Variants in GP5 observed in about 807,000 individuals in gnomAD.
GP5 encodes platelet glycoprotein V.
For synonymous variants in GP5, 382 were observed against 353.9 expected (o/e 1.08, Z -0.89); for missense variants, 755 against 737.1 (o/e 1.02, Z -0.28).
At position 194,396,912 on chromosome 3, in the gene GP5, G is replaced by A; in HGVS notation, c.1371C>T (p.His457=). The A allele has an allele frequency of 6.6e-7, 1 of 1,504,126 alleles. No homozygotes were observed. Among genetic ancestry groups the A allele is most frequent in the South Asian group, 1.3e-5 (1 of 77,918 alleles). The allele number at this position is 1,504,126 out of a possible 1,614,324, so 93.2% of individuals were successfully genotyped here. A position where few individuals can be genotyped will look rare whatever the true frequency, so the allele number is the denominator to read the frequency against. The change falls in exon 2 of 2, where the codon CAC becomes CAT. Residue 457 remains histidine, a synonymous_variant. Coordinates refer to ENST00000692618, the MANE Select transcript of GP5 (RefSeq NM_004488.2). ...EPPRCAGPGA[H]AGLPLWALPG... ...GCAGGGCCCAGAGCGGCAGGCCGGC[G>A]TGCGCCCCAGGGCCTGCGCACCGTG...
In GP5 at chr3:194,396,749, T is replaced by C; in HGVS notation, c.1534A>G (p.Thr512Ala). The C allele has an allele frequency of 1.9e-6, 3 of 1,613,988 alleles. No homozygotes were observed. The highest frequency in any genetic ancestry group is 2.5e-6 in the Non-Finnish European group (3 of 1,179,912). Residue 512 changes from threonine to alanine, a missense_variant, in exon 2 of 2, where the codon ACG becomes GCG. Coordinates refer to ENST00000692618, the MANE Select transcript of GP5 (RefSeq NM_004488.2). The stretch of plus-strand genomic sequence containing the variant: ...GGACTATGATCTTGACCTTTGCCCG[T>C]GGTCACCGGCTGGGCCCACACCCAG... ...EPWVWAQPVT[T>A]GKGQDHSPFW...
rs1714422246 is a variant in GP5 at position 194,395,172 on chromosome 3, G to C, written c.*1428C>G. 6.6e-6 allele frequency: 1 copy of C among 152,216 alleles called. No homozygotes were observed. Among genetic ancestry groups the C allele is most frequent in the Non-Finnish European group, 1.5e-5 (1 of 68,040 alleles). The allele number at this position is 152,216 out of a possible 1,614,324, so 9.4% of individuals were successfully genotyped here. A position where few individuals can be genotyped will look rare whatever the true frequency, so the allele number is the denominator to read the frequency against. On this transcript the variant is annotated 3_prime_UTR_variant, in exon 2 of 2. Coordinates refer to ENST00000692618, the MANE Select transcript of GP5 (RefSeq NM_004488.2). ...GGAAACCAAGGCTTAGAGAATGTAA[G>C]CAGGTGTCTTACCCAAAGTCCCATG... is the stretch of plus-strand genomic sequence containing the variant.
chr3:194,396,780 TG>T lies in GP5; in HGVS notation c.1502del (p.Ser501Ter), dbSNP rs765628539. On this transcript the variant is annotated frameshift_variant, in exon 2 of 2. Transcript: ENST00000692618. LOFTEE classifies it low-confidence loss of function (END_TRUNC). ...PVHPALAPNSSEPWVWAQPVT... is the reference protein window; with the variant it reads ...PVHPALAPNSXEPWVWAQPVT... ...CCGGCTGGGCCCACACCCAGGGTTC[TG>T]AGCTGTTGGGAGCCAAGGCTGGGTG... 18 of 1,613,168 alleles carry T rather than the reference TG, an allele frequency of 1.1e-5. No homozygotes were observed. The highest frequency in any genetic ancestry group is 1.0e-5 in the Non-Finnish European group (12 of 1,179,246).
chr3:194,396,967 T>A lies in GP5; in HGVS notation c.1316A>T (p.His439Leu), dbSNP rs759297738. 1.9e-6 allele frequency: 3 copies of A among 1,569,988 alleles called. No homozygotes were observed. In the African/African-American group the frequency reaches 4.1e-5, roughly 21 times the overall value. The change falls in exon 2 of 2, where the codon CAC (histidine) becomes CTC (leucine). Residue 439 changes from histidine (H) to leucine (L), a missense_variant. Transcript: ENST00000692618. ...LGPFLGWLRQHLGLVGGEEPP... is the reference protein window; with the variant it reads ...LGPFLGWLRQLLGLVGGEEPP... ...CTCTTCCCCGCCCACGAGGCCTAGG[T>A]GCTGCCGCAGCCACCCCAGGAAGGG...
In GP5 at chr3:194,398,241, C is replaced by G. The variant is rs1714520802; in HGVS notation, c.42G>C (p.Leu14=). ...GTLLCAVLGL[L]RAQPFPCPPA... ...GCGGACAGGGGAAGGGCTGGGCGCG[C>G]AGAAGCCCGAGCACCGCGCACAGTA... The change falls in exon 2 of 2, where the codon CTG becomes CTC. Residue 14 remains leucine, a synonymous_variant. Transcript: ENST00000692618. 6.2e-7 allele frequency: 1 copy of G among 1,610,882 alleles called. No individual in the cohort carries two copies. Among genetic ancestry groups the G allele is most frequent in the African/African-American group, 1.3e-5 (1 of 74,872 alleles).
At chr3:194,398,339 C>T (rs1714523900) in intron 1 of GP5, 55 bp from the exon 2 acceptor site, 2 of 1,481,742 alleles carry the variant, frequency 1.3e-6, no homozygotes, top group South Asian at 2.7e-5. Flanking sequence ...CGCGCCTGTA[C>T]TGAACCCTGG....
intron 1 of GP5, among the ~76,000 whole-genome samples, chr3:194,398,506 G>A (rs1392962256): frequency 6.6e-6 from 1 of 152,164 alleles, no homozygotes; most frequent in East Asian, 1.9e-4. Context: ...TCAGTTTAAA[G>A]CATTGAGATT....
In GP5 at chr3:194,397,571, AG is replaced by A; in HGVS notation, c.711del (p.Phe238SerfsTer10). ...GAACTGAGGTTTGGGAGCCGGTCGA[AG>A]GCCCCGGGTGCGATGGAACGGATGT... ...RNHIRSIAPG[A>X]FDRLPNLSSL... is the part of the protein sequence containing the mutation. On this transcript the variant is annotated frameshift_variant, in exon 2 of 2. Transcript: ENST00000692618. LOFTEE classifies it low-confidence loss of function (END_TRUNC). This position sits in a 1 kb window ranked among gnomAD's most constrained non-coding sequence, Gnocchi z 7.2. The A allele has an allele frequency of 6.2e-7, 1 of 1,614,072 alleles. No homozygotes were observed. Among genetic ancestry groups the A allele is most frequent in the Non-Finnish European group, 8.5e-7 (1 of 1,180,004 alleles).
Position 194,396,639 on chromosome 3 carries a change from T to C in GP5, c.1644A>G (p.Gln548=), listed in dbSNP as rs776219236. 25 of 1,611,302 alleles carry C rather than the reference T, an allele frequency of 1.6e-5. No individual in the cohort carries two copies. The highest frequency in any genetic ancestry group is 9.4e-5 in the African/African-American group (7 of 74,618). The change falls in exon 2 of 2, where the codon CAA becomes CAG. Residue 548 remains glutamine, a synonymous_variant. Coordinates refer to ENST00000692618, the MANE Select transcript of GP5 (RefSeq NM_004488.2). ...TCTCTCTGATTAATTTTCGAAAGAGTTGGCCAATTTTAATCATAGCAAACA... is the reference window on the plus strand; with the variant it reads ...TCTCTCTGATTAATTTTCGAAAGAGCTGGCCAATTTTAATCATAGCAAACA... ...IIVFAMIKIG[Q]LFRKLIRERA... is the part of the protein sequence containing the mutation.
At position 194,396,738 on chromosome 3, in the gene GP5, A is replaced by T. The variant is rs774532809; in HGVS notation, c.1545T>A (p.Gly515=). Residue 515 remains glycine, a synonymous_variant, in exon 2 of 2, where the codon GGT becomes GGA. Coordinates refer to ENST00000692618, the MANE Select transcript of GP5 (RefSeq NM_004488.2). ...ACCCCCAGAACGGACTATGATCTTG[A>T]CCTTTGCCCGTGGTCACCGGCTGGG... ...VWAQPVTTGK[G]QDHSPFWGFY... is the part of the protein sequence containing the mutation. The T allele has an allele frequency of 1.2e-6, 2 of 1,614,040 alleles. No homozygotes were observed. Among genetic ancestry groups the T allele is most frequent in the South Asian group, 2.2e-5 (2 of 91,066 alleles).
Position 194,396,153 on chromosome 3 carries a change from T to TA in GP5, c.*446dup, listed in dbSNP as rs1358570527. On this transcript the variant is annotated 3_prime_UTR_variant, in exon 2 of 2. Coordinates refer to ENST00000692618, the MANE Select transcript of GP5 (RefSeq NM_004488.2). ...TCCACGCATTGATTTCACAAACATT[T>TA]ACCGGCTTACTCTGTGCAGGAGACA... 2 of 157,636 alleles carry TA rather than the reference T, an allele frequency of 1.3e-5. No individual in the cohort carries two copies. The highest frequency in any genetic ancestry group is 3.7e-4 in the East Asian group (2 of 5,398). The allele number at this position is 157,636 out of a possible 1,614,324, so 9.8% of individuals were successfully genotyped here.
Position 194,396,610 on chromosome 3 carries a change from G to GCT in GP5, c.1671_1672dup (p.Ala558GlufsTer136), listed in dbSNP as rs762140183. The stretch of plus-strand genomic sequence containing the variant: ...GATTTTCCCATTGGTTTACCCAAGG[G>GCT]CTCTCTCTCTGATTAATTTTCGAAA... On this transcript the variant is annotated frameshift_variant, in exon 2 of 2. Coordinates refer to ENST00000692618, the MANE Select transcript of GP5 (RefSeq NM_004488.2). LOFTEE classifies it high-confidence loss of function. The GCT allele has an allele frequency of 1.4e-5, 23 of 1,608,820 alleles. No individual in the cohort carries two copies. The highest frequency in any genetic ancestry group is 1.7e-4 in the Middle Eastern group (1 of 6,030).
At position 194,397,959 on chromosome 3, in the gene GP5, GT is replaced by G. The variant is rs1560057545; in HGVS notation, c.323del (p.Asn108ThrfsTer27). ...GCGCACCTGGAAGATGCGTGATTTT[GT>G]TGCGCGACAGCCTCAGGGTTTTCAG... ...IKLKTLRLSR[N>X]KITHLPGALL... On this transcript the variant is annotated frameshift_variant, in exon 2 of 2. Coordinates refer to ENST00000692618, the MANE Select transcript of GP5 (RefSeq NM_004488.2). LOFTEE classifies it low-confidence loss of function (END_TRUNC). The surrounding 1 kb of genome is among the most constrained non-coding windows in gnomAD (Gnocchi z 7.2). 2 of 1,614,222 alleles carry G rather than the reference GT, an allele frequency of 1.2e-6. No individual in the cohort carries two copies. The highest frequency in any genetic ancestry group is 2.2e-5 in the South Asian group (2 of 91,088).
chr3:194,397,819 T>A lies in GP5; in HGVS notation c.464A>T (p.Gln155Leu), dbSNP rs754760971. ...LVNLQELALN[Q>L]NQLDFLPASL... ...GGCAGGAAGGAAATCGAGCTGATTC[T>A]GGTTCAGAGCGAGCTCCTGCAGGTT... Residue 155 changes from glutamine to leucine, a missense_variant, in exon 2 of 2, where the codon CAG becomes CTG. Physicochemically the swap from Gln to Leu is moderately radical, Grantham distance 113. Transcript: ENST00000692618. This position sits in a 1 kb window ranked among gnomAD's most constrained non-coding sequence, Gnocchi z 7.2. 3.1e-6 allele frequency: 5 copies of A among 1,614,030 alleles called. No individual in the cohort carries two copies. The highest frequency in any genetic ancestry group is 4.2e-6 in the Non-Finnish European group (5 of 1,179,960).
At chr3:194,398,795 G>A (rs1451723062) in intron 1 of GP5, among the ~76,000 whole-genome samples, 5 of 152,074 alleles carry the variant, frequency 3.3e-5, no homozygotes, top group African/African-American at 7.2e-5. Context: ...CCAAAACAGC[G>A]AACACCTTCA....
intron 1 of GP5, 140 bp from the exon 2 acceptor site, chr3:194,398,424 T>A (rs1191659392): frequency 1.2e-6 from 1 of 800,874 alleles, no homozygotes; most frequent in Non-Finnish European, 2.0e-6. Flanking sequence ...ACTACAGATT[T>A]CCCTACGTGG....
At position 194,394,847 on chromosome 3, in the gene GP5, C is replaced by T. The variant is rs1714415834; in HGVS notation, c.*1753G>A. On this transcript the variant is annotated 3_prime_UTR_variant, in exon 2 of 2. Coordinates refer to ENST00000692618, the MANE Select transcript of GP5 (RefSeq NM_004488.2). ...GATCCATTGCTCTGGATTGTGAGCA[C>T]AGAGTCTGGCCACCCAGGGCTGAGG... The T allele has an allele frequency of 6.6e-6, 1 of 152,260 alleles. No individual in the cohort carries two copies. The highest frequency in any genetic ancestry group is 2.4e-5 in the African/African-American group (1 of 41,444). The allele number at this position is 152,260 out of a possible 1,614,324, so 9.4% of individuals were successfully genotyped here.
rs764055488 is a variant in GP5 at position 194,398,182 on chromosome 3, T to G, written c.101A>C (p.Gln34Pro). Reference protein sequence around the residue: ...ACKCVFRDAAQCSGGDVARIS... With the variant: ...ACKCVFRDAAPCSGGDVARIS... ...GCGCGCCACGTCGCCCCCCGAGCAC[T>G]GCGCGGCGTCCCGGAAGACACACTT... Residue 34 changes from glutamine (Q) to proline (P), a missense_variant, in exon 2 of 2, where the codon CAG becomes CCG. Transcript: ENST00000692618. The G allele has an allele frequency of 2.5e-6, 4 of 1,612,560 alleles. 1 individual carries two copies. In the South Asian group the frequency reaches 4.4e-5, roughly 18 times the overall value.
Position 194,396,996 on chromosome 3 carries a change from C to G in GP5, c.1287G>C (p.Leu429=). The part of the protein sequence containing the change: ...GHNSWRCDCG[L]GPFLGWLRQH... ...GCCGCAGCCACCCCAGGAAGGGCCC[C>G]AGGCCACAGTCGCAGCGCCAGGAGT... is the stretch of plus-strand genomic sequence containing the variant. Residue 429 remains leucine, a synonymous_variant, in exon 2 of 2, where the codon CTG becomes CTC. Transcript: ENST00000692618. The G allele has an allele frequency of 1.9e-6, 3 of 1,594,028 alleles. No individual in the cohort carries two copies. Among genetic ancestry groups the G allele is most frequent in the Non-Finnish European group, 2.5e-6 (3 of 1,176,818 alleles).
Sources: allele counts gnomAD v4.1 joint callset (sites outside exome capture counted in the v4.1 genomes callset), GRCh38; gene constraint gnomAD v4.1.1; non-coding constraint Gnocchi (gnomAD v3.1); transcripts MANE v1.5; gene names NCBI Gene and HGNC (gene_info 2026-07-23, HGNC 2026-07-21).